Variants in PDGFRL observed in about 807,000 individuals in gnomAD.
PDGFRL encodes platelet derived growth factor receptor like.
PDGFRL carries 46 observed loss-of-function variants against 37.2 expected under a neutral mutation model. The observed-to-expected ratio is 1.24, with a 90% CI of 0.98 to 1.58. The LOEUF is 1.58. Ranked by LOEUF, PDGFRL falls within the 40% of genes most tolerant of loss-of-function variation. The pLI, the probability that PDGFRL is intolerant of heterozygous loss-of-function variation, is 0.00. For synonymous variants in PDGFRL, 251 were observed against 184.3 expected (o/e 1.36, Z -2.93); for missense variants, 692 against 467.6 (o/e 1.48, Z -4.43).
At chr8:17,584,453 C>T (rs1325209709) in intron 1 of PDGFRL, among the ~76,000 whole-genome samples, 2 of 151,742 alleles carry the variant, frequency 1.3e-5, no homozygotes, top group South Asian at 2.1e-4. Flanking sequence ...GCAGGGGTCA[C>T]GGGATTGTGT....
chr8:17,627,650 ATTTTTAG>A (rs79747684), intron 3 of PDGFRL, among the ~76,000 whole-genome samples: 21,017 of 147,112 alleles, frequency 0.14, 2,149 homozygotes, highest in African/African-American at 0.3. Context: ...TTTTTTTTTT[ATTTTTAG>A]TTGAGACGGG....
chr8:17,627,071 A>G (rs909849043), intron 3 of PDGFRL, among the ~76,000 whole-genome samples: 1 of 152,190 alleles, frequency 6.6e-6, no homozygotes, highest in Non-Finnish European at 1.5e-5. Flanking sequence ...GGCTGAGGAC[A>G]CTGTCACCGT....
intron 3 of PDGFRL, among the ~76,000 whole-genome samples, chr8:17,621,973 C>T (rs559447920): frequency 1.4e-4 from 22 of 152,262 alleles, no homozygotes; most frequent in African/African-American, 5.3e-4. Flanking sequence ...CTGCTCAGCC[C>T]TGTTTGTTCT....
At chr8:17,636,829 AC>A (rs1279723825) in intron 5 of PDGFRL, among the ~76,000 whole-genome samples, 2 of 151,772 alleles carry the variant, frequency 1.3e-5, no homozygotes, top group Admixed American at 6.6e-5. Context: ...GAGGTCTTTC[AC>A]CTCCTTGATT....
At chr8:17,629,810 T>G (rs375179201) in intron 4 of PDGFRL, among the ~76,000 whole-genome samples, 2 of 152,124 alleles carry the variant, frequency 1.3e-5, no homozygotes, top group African/African-American at 2.4e-5. Flanking sequence ...CCAGCTCCAG[T>G]GACACAGGCT....
intron 1 of PDGFRL, among the ~76,000 whole-genome samples, chr8:17,578,500 A>C (rs1198370856): frequency 6.6e-6 from 1 of 152,258 alleles, no homozygotes; most frequent in Admixed American, 6.5e-5. Flanking sequence ...AACTCTGCCC[A>C]GAGAGAAGTT....
At chr8:17,598,967 A>C (rs559177274) in intron 2 of PDGFRL, among the ~76,000 whole-genome samples, 64 of 152,276 alleles carry the variant, frequency 4.2e-4, no homozygotes, top group Admixed American at 1.5e-3. Context: ...AATCCATTCA[A>C]CTTCTTTCCT....
At chr8:17,595,270 C>T (rs1804027555) in intron 2 of PDGFRL, among the ~76,000 whole-genome samples, 1 of 152,152 alleles carries the variant, frequency 6.6e-6, no homozygotes, top group Admixed American at 6.5e-5. Context: ...GCCCACCATC[C>T]CCTCAACCAT....
At chr8:17,600,220 C>T (rs192479217) in intron 2 of PDGFRL, among the ~76,000 whole-genome samples, 134 of 152,268 alleles carry the variant, frequency 8.8e-4, no homozygotes, top group Non-Finnish European at 2.2e-4. Flanking sequence ...ATCCAGAGTT[C>T]GCTTTTCCAT....
chr8:17,598,396 T>C (rs1460920111), intron 2 of PDGFRL, among the ~76,000 whole-genome samples: 3 of 152,218 alleles, frequency 2.0e-5, no homozygotes, highest in African/African-American at 7.2e-5. Context: ...TGAGGGCAAA[T>C]AACACATCTG....
chr8:17,600,405 C>G (rs767352155), intron 2 of PDGFRL, among the ~76,000 whole-genome samples: 2 of 152,202 alleles, frequency 1.3e-5, no homozygotes, highest in Non-Finnish European at 2.9e-5. Context: ...ATACACTCCT[C>G]TCTACTTGCT....
intron 2 of PDGFRL, among the ~76,000 whole-genome samples, chr8:17,620,472 T>A (rs1804608106): frequency 6.6e-6 from 1 of 152,146 alleles, no homozygotes; most frequent in African/African-American, 2.4e-5. Context: ...GCACACAGTT[T>A]TCCCATTATT....
At chr8:17,584,627 G>T (rs2720565) in intron 1 of PDGFRL, among the ~76,000 whole-genome samples, 99,590 of 151,752 alleles carry the variant, frequency 0.66, 35,364 homozygotes, top group Non-Finnish European at 0.79. Context: ...CAAGAAGAGC[G>T]TCATCAACTG....
At chr8:17,597,855 T>G (rs1429002715) in intron 2 of PDGFRL, among the ~76,000 whole-genome samples, 2 of 152,160 alleles carry the variant, frequency 1.3e-5, no homozygotes, top group African/African-American at 4.8e-5. Context: ...GGGAATTTGT[T>G]TAAAGCAATA....
intron 4 of PDGFRL, among the ~76,000 whole-genome samples, chr8:17,629,561 G>T (rs1640419737): frequency 6.6e-6 from 1 of 152,016 alleles, no homozygotes; most frequent in Admixed American, 6.5e-5. Context: ...CTGCTCTTTG[G>T]GGGCTCTACC....
At chr8:17,641,255 T>C (rs1282623862) in intron 5 of PDGFRL, among the ~76,000 whole-genome samples, 1 of 152,212 alleles carries the variant, frequency 6.6e-6, no homozygotes, top group Non-Finnish European at 1.5e-5. Context: ...TGCCACGGTT[T>C]CTGTGCTGTG....
intron 1 of PDGFRL, among the ~76,000 whole-genome samples, chr8:17,585,655 C>T (rs62498030): frequency 1.3e-5 from 2 of 152,094 alleles, no homozygotes; most frequent in African/African-American, 2.4e-5. Context: ...TTAGGGATGG[C>T]CTTTCCCCTT....
chr8:17,596,443 A>G (rs939634122), intron 2 of PDGFRL: 5 of 496,120 alleles, frequency 1.0e-5, no homozygotes, highest in South Asian at 1.1e-4. Flanking sequence ...TTTTATAAAA[A>G]AACAGAATTG....
chr8:17,586,385 T>A (rs141044108), intron 1 of PDGFRL, among the ~76,000 whole-genome samples: 92 of 152,294 alleles, frequency 6.0e-4, no homozygotes, highest in African/African-American at 1.8e-3. Context: ...TGGAACTCCA[T>A]GTCACATCAA....
Sources: gnomAD v4.1 joint callset for allele counts (sites outside exome capture counted in the v4.1 genomes callset) on GRCh38, gnomAD v4.1.1 for gene constraint, MANE v1.5 for transcripts, NCBI Gene and HGNC (gene_info 2026-07-23, HGNC 2026-07-21) for gene names.